Variants in C7 observed in about 807,000 individuals in gnomAD.
C7 encodes complement component C7.
A neutral mutation model predicts 104.8 loss-of-function variants in C7; 83 were observed. That is an observed-to-expected ratio of 0.79 (90% CI 0.66 to 0.95). The LOEUF (loss-of-function observed/expected upper bound fraction) is 0.95. C7 is among the 40% of genes least tolerant of loss of function. The pLI, the probability that C7 is intolerant of heterozygous loss-of-function variation, is 0.00. For synonymous variants in C7, 415 were observed against 360.6 expected, an observed-to-expected ratio of 1.15 and a Z score of -1.71; for missense variants, 1,070 against 1,011.2, an observed-to-expected ratio of 1.06 and a Z score of -0.79.
rs1162800722 is a variant in C7 at position 40,945,196 on chromosome 5, A to G, written c.568-2A>G. On this transcript the variant is annotated splice_acceptor_variant, in intron 6 of 17. Transcript: ENST00000313164. LOFTEE classifies it high-confidence loss of function. ...TAGCAAAATTTTTCATTTTCTTTGTAGGTGAAAATAAATAATGATTTTAAT... is the reference window on the plus strand; with the variant it reads ...TAGCAAAATTTTTCATTTTCTTTGTGGGTGAAAATAAATAATGATTTTAAT... 7.0e-7 allele frequency: 1 copy of G among 1,434,420 alleles called. No homozygotes were observed. Among genetic ancestry groups the G allele is most frequent in the Non-Finnish European group, 9.4e-7 (1 of 1,061,666 alleles). The allele number at this position is 1,434,420 out of a possible 1,614,324, so 88.9% of individuals were successfully genotyped here.
intron 10 of C7, 108 bp from the exon 11 acceptor site, chr5:40,957,925 G>C (rs2652323): frequency 3.0e-5 from 19 of 630,852 alleles, no homozygotes; most frequent in Non-Finnish European, 3.1e-5. Flanking sequence ...TAACAAACTT[G>C]CCCGTGGCTT....
At chr5:40,925,165 C>G (rs186473909) in intron 1 of C7, among the ~76,000 whole-genome samples, 1 of 152,226 alleles carries the variant, frequency 6.6e-6, no homozygotes, top group African/African-American at 2.4e-5. Context: ...TAAGTCATTT[C>G]TTTGCTCTTA....
intron 1 of C7, among the ~76,000 whole-genome samples, chr5:40,918,385 A>T (rs1422898637): frequency 6.6e-6 from 1 of 152,080 alleles, no homozygotes; most frequent in Admixed American, 6.6e-5. Flanking sequence ...ATACCACAAC[A>T]ACAACAACAA....
intron 12 of C7, among the ~76,000 whole-genome samples, chr5:40,959,944 T>A (rs111979460): frequency 3.3e-5 from 5 of 152,346 alleles, no homozygotes; most frequent in African/African-American, 1.2e-4. Flanking sequence ...AGCATGATAA[T>A]AGCAGGTAAA....
intron 1 of C7, among the ~76,000 whole-genome samples, chr5:40,916,567 C>T (rs1417555867): frequency 6.6e-6 from 1 of 152,108 alleles, no homozygotes; most frequent in East Asian, 1.9e-4. Context: ...GATGATGGGA[C>T]CTTAAGGAAA....
At position 40,945,301 on chromosome 5, in the gene C7, T is replaced by C. The variant is rs768695239; in HGVS notation, c.671T>C (p.Phe224Ser). Residue 224 changes from phenylalanine to serine, a missense_variant, in exon 7 of 18, where the codon TTT becomes TCT. By Grantham distance (155) the Phe-to-Ser change is radical. Transcript: ENST00000313164. ...EHTSSSRKRS[F>S]FRSSSSSSRS... is the part of the protein sequence containing the mutation. ...ACATCATCTAGTCGGAAGCGCTCCT[T>C]TTTTAGATCTTCATCATCTTCTTCA... is the stretch of plus-strand genomic sequence containing the variant. 8.7e-6 allele frequency: 14 copies of C among 1,609,574 alleles called. 1 individual carries two copies. Among genetic ancestry groups the C allele is most frequent in the Non-Finnish European group, 1.1e-5 (13 of 1,178,006 alleles).
At position 40,984,185 on chromosome 5, in the gene C7, A is replaced by G. The variant is rs1044038553; in HGVS notation, c.*2612A>G. Among the ~76,000 whole-genome samples the G allele has an allele frequency of 5.3e-5, 8 of 152,178 alleles. No individual in the cohort carries two copies. The highest frequency in any genetic ancestry group is 1.0e-4 in the Non-Finnish European group (7 of 68,042). On this transcript the variant is annotated 3_prime_UTR_variant, in exon 18 of 18. Coordinates refer to ENST00000313164, the MANE Select transcript of C7 (RefSeq NM_000587.4). Reference sequence around the variant, plus strand: ...TAGTGCTGCTTCTCTAAGCCCTGAGATTTAATGAGCCCCATTCAAACTGTT... The same window carrying G: ...TAGTGCTGCTTCTCTAAGCCCTGAGGTTTAATGAGCCCCATTCAAACTGTT...
chr5:40,921,479 A>G (rs936791278), intron 1 of C7, among the ~76,000 whole-genome samples: 1 of 152,144 alleles, frequency 6.6e-6, no homozygotes, highest in African/African-American at 2.4e-5. Context: ...AAACAGCAAA[A>G]GACTCCAAGT....
chr5:40,928,695 C>CTT, intron 2 of C7, 60 bp downstream of exon 2: 1 of 1,047,112 alleles, frequency 9.6e-7, no homozygotes, highest in Non-Finnish European at 1.4e-6. Flanking sequence ...TTTAGTAATT[C>CTT]TTTAGTCTAA....
chr5:40,968,342 T>C (rs1212584044), intron 14 of C7, among the ~76,000 whole-genome samples: 1 of 151,612 alleles, frequency 6.6e-6, no homozygotes, highest in Non-Finnish European at 1.5e-5. Context: ...GCCAGGCTGG[T>C]CTTGAATTCC....
chr5:40,964,828 T>C lies in C7; in HGVS notation c.1837T>C (p.Cys613Arg), dbSNP rs1740509644. The C allele has an allele frequency of 1.2e-6, 2 of 1,613,822 alleles. No individual in the cohort carries two copies. ...YSLIGNPVAR[C>R]GEDLRWLVGE... is the part of the protein sequence containing the mutation. ...TCTTATTGGAAACCCAGTGGCCAGATGTGGAGAAGATTTACGGTGGCTTGT... is the reference window on the plus strand; with the variant it reads ...TCTTATTGGAAACCCAGTGGCCAGACGTGGAGAAGATTTACGGTGGCTTGT... The change falls in exon 14 of 18, where the codon TGT becomes CGT. Residue 613 changes from cysteine (C) to arginine (R), a missense_variant. Physicochemically the swap from Cys to Arg is radical, Grantham distance 180 (BLOSUM62 -3). Coordinates refer to ENST00000313164, the MANE Select transcript of C7 (RefSeq NM_000587.4).
intron 1 of C7, among the ~76,000 whole-genome samples, chr5:40,922,023 G>A (rs1281046508): frequency 6.6e-6 from 1 of 151,280 alleles, no homozygotes; most frequent in African/African-American, 2.4e-5. Flanking sequence ...GGGTGACAGA[G>A]CAAGACTCTG....
chr5:40,980,413 G>GTGT (rs2111733733), intron 17 of C7: 1 of 152,414 alleles, frequency 6.6e-6, no homozygotes, highest in Non-Finnish European at 1.5e-5. Flanking sequence ...TGTTAGAGGG[G>GTGT]TGTTAAAAAC....
chr5:40,979,684 A>T lies in C7; in HGVS notation c.2166-41A>T, dbSNP rs1579880974. 7 of 1,556,884 alleles carry T rather than the reference A, an allele frequency of 4.5e-6. No individual in the cohort carries two copies. The East Asian group carries it at 1.6e-4, about 35-fold the overall frequency. On this transcript the variant is annotated intron_variant, in intron 16 of 17. Coordinates refer to ENST00000313164, the MANE Select transcript of C7 (RefSeq NM_000587.4). Reference sequence around the variant, plus strand: ...CATTTCTCCTTCTCAGCTTTTACGAACAAAAATCTTGTAAATAATGTCATT... The same window carrying T: ...CATTTCTCCTTCTCAGCTTTTACGATCAAAAATCTTGTAAATAATGTCATT...
chr5:40,966,967 T>C (rs1740568421), intron 14 of C7, among the ~76,000 whole-genome samples: 1 of 152,228 alleles, frequency 6.6e-6, no homozygotes, highest in East Asian at 1.9e-4. Context: ...AAAAGTTTGT[T>C]CTTTGAAAAG....
chr5:40,962,641 A>T (rs941037426), intron 13 of C7, among the ~76,000 whole-genome samples: 11 of 152,088 alleles, frequency 7.2e-5, no homozygotes, highest in African/African-American at 2.7e-4. Flanking sequence ...TTCTACTTTG[A>T]GCAATTGAAC....
Position 40,909,572 on chromosome 5 carries a change from ATCT to A in C7, c.-36_-34del, listed in dbSNP as rs780687790. ...AACTTACCCGGCCCTTACAGAGGAAATCTTCCTCCTCTCTTCTGCCCTGAATGT... is the reference window on the plus strand; with the variant it reads ...AACTTACCCGGCCCTTACAGAGGAAATCCTCCTCTCTTCTGCCCTGAATGT... On this transcript the variant is annotated 5_prime_UTR_variant, in exon 1 of 18. Coordinates refer to ENST00000313164, the MANE Select transcript of C7 (RefSeq NM_000587.4). 3.9e-6 allele frequency: 6 copies of A among 1,550,662 alleles called. No homozygotes were observed. The highest frequency in any genetic ancestry group is 5.3e-6 in the Non-Finnish European group (6 of 1,134,484).
At position 40,983,499 on chromosome 5, in the gene C7, GAGA is replaced by G. The variant is rs2111742589; in HGVS notation, c.*1929_*1931del. ...TTATTGAAGGAGAAGTCAAGGAGAG[GAGA>G]AGGAGAGGAGCAGTGAATGTTGTCG... On this transcript the variant is annotated 3_prime_UTR_variant, in exon 18 of 18. Transcript: ENST00000313164. 6.6e-6 allele frequency among the ~76,000 whole-genome samples: 1 copy of G among 152,224 alleles called. No individual in the cohort carries two copies. The highest frequency in any genetic ancestry group is 2.1e-4 in the South Asian group (1 of 4,828).
intron 2 of C7, 32 bp downstream of exon 2, chr5:40,928,667 A>G (rs762012821): frequency 5.1e-6 from 7 of 1,380,648 alleles, no homozygotes; most frequent in East Asian, 5.0e-5. Flanking sequence ...TGTAAAAATC[A>G]TTAAATTTAA....
Sources: gnomAD v4.1 joint callset for allele counts (sites outside exome capture counted in the v4.1 genomes callset) on GRCh38, gnomAD v4.1.1 for gene constraint, MANE v1.5 for transcripts, NCBI Gene and HGNC (gene_info 2026-07-23, HGNC 2026-07-21) for gene names.